CPNE8: variants seen among roughly 807,000 people sequenced by gnomAD.
The protein encoded by CPNE8 is copine 8.
CPNE8 carries 45 observed loss-of-function variants against 81.5 expected under a neutral mutation model. That is an observed-to-expected ratio of 0.55 (90% CI 0.44 to 0.71). The LOEUF (loss-of-function observed/expected upper bound fraction) is 0.71, where lower values mean the gene tolerates loss of function less well. CPNE8 is among the 30% of genes least tolerant of loss of function. The pLI is 0.00. For synonymous variants in CPNE8, 252 were observed against 226.3 expected (o/e 1.11, Z -1.02); for missense variants, 594 against 672.1 (o/e 0.88, Z 1.28).
intron 6 of CPNE8, among the ~76,000 whole-genome samples, chr12:38,785,052 G>A (rs189145710): frequency 1.8e-4 from 27 of 152,134 alleles, no homozygotes; most frequent in East Asian, 9.7e-4. Flanking sequence ...AAAATTAGCT[G>A]GGTGCGATGG....
At chr12:38,756,039 C>A (rs868277860) in intron 10 of CPNE8, among the ~76,000 whole-genome samples, 188 of 82,244 alleles carry the variant, frequency 2.3e-3, no homozygotes, top group South Asian at 5.1e-3. Flanking sequence ...GACTCCGTCT[C>A]AAAAAAAAAA....
intron 6 of CPNE8, among the ~76,000 whole-genome samples, chr12:38,785,991 G>C (rs1942175861): frequency 6.6e-6 from 1 of 151,746 alleles, no homozygotes. Flanking sequence ...AAGAAGGAAG[G>C]AAAGAAAGAA....
chr12:38,685,948 A>G (rs1939524861), intron 15 of CPNE8, among the ~76,000 whole-genome samples: 1 of 152,164 alleles, frequency 6.6e-6, no homozygotes, highest in Non-Finnish European at 1.5e-5. Flanking sequence ...GTTTGGGTAC[A>G]TGTGGAGATA....
chr12:38,843,507 G>A (rs1943506292), intron 4 of CPNE8, among the ~76,000 whole-genome samples: 1 of 151,990 alleles, frequency 6.6e-6, no homozygotes, highest in East Asian at 1.9e-4. Flanking sequence ...CAAAATCTGG[G>A]ATGCCTGCAA....
rs766195638 is a variant in CPNE8 at position 38,666,295 on chromosome 12, G to A, written c.1506+4434C>T. On this transcript the variant is annotated intron_variant, in intron 19 of 19. Coordinates refer to ENST00000331366, the MANE Select transcript of CPNE8 (RefSeq NM_153634.3). ...GTGTGTTATAATAGGAGTAACACAG[G>A]TTTTAGAACCAGAACACTCTTGGAA... 2.9e-4 allele frequency among the ~76,000 whole-genome samples: 44 copies of A among 152,024 alleles called. 1 individual carries two copies. The highest frequency in any genetic ancestry group is 1.6e-3 in the Admixed American group (25 of 15,246).
intron 6 of CPNE8, among the ~76,000 whole-genome samples, chr12:38,809,706 CA>C (rs2136983779): frequency 6.6e-6 from 1 of 152,232 alleles, no homozygotes; most frequent in South Asian, 2.1e-4. Flanking sequence ...AAATTCAGTT[CA>C]AAAATCTTCC....
intron 3 of CPNE8, among the ~76,000 whole-genome samples, chr12:38,852,512 G>A (rs1456910005): frequency 6.6e-6 from 1 of 151,826 alleles, no homozygotes; most frequent in Non-Finnish European, 1.5e-5. Context: ...TGAGGCAGGA[G>A]AATCACTTGA....
chr12:38,782,391 G>A (rs901670354), intron 6 of CPNE8, among the ~76,000 whole-genome samples: 19 of 152,244 alleles, frequency 1.2e-4, no homozygotes, highest in South Asian at 4.1e-4. Flanking sequence ...AAATGTGAGT[G>A]AAGCATAGAT....
chr12:38,658,853 A>G (rs542754710), intron 19 of CPNE8, among the ~76,000 whole-genome samples: 1 of 152,342 alleles, frequency 6.6e-6, no homozygotes, highest in South Asian at 2.1e-4. Flanking sequence ...ACATGCTGAG[A>G]GATTTTGTCA....
intron 3 of CPNE8, among the ~76,000 whole-genome samples, chr12:38,870,934 T>C (rs879769845): frequency 6.6e-6 from 1 of 152,122 alleles, no homozygotes; most frequent in Non-Finnish European, 1.5e-5. Flanking sequence ...ATTTTTCTCA[T>C]GAAACATAAG....
chr12:38,876,855 G>C (rs1439306552), intron 1 of CPNE8, among the ~76,000 whole-genome samples: 1 of 152,176 alleles, frequency 6.6e-6, no homozygotes, highest in Admixed American at 6.5e-5. Flanking sequence ...CACTGCAAAA[G>C]ACCAGTGATT....
Position 38,852,996 on chromosome 12 carries a change from A to C in CPNE8, c.187-4334T>G, listed in dbSNP as rs149098055. On this transcript the variant is annotated intron_variant, in intron 3 of 19. Coordinates refer to ENST00000331366, the MANE Select transcript of CPNE8 (RefSeq NM_153634.3). ...TTTACTTTTAAAATCAGAAACAAAAAACTTTCAGGCAGTTTTCCTGTTTTT... is the reference window on the plus strand; with the variant it reads ...TTTACTTTTAAAATCAGAAACAAAACACTTTCAGGCAGTTTTCCTGTTTTT... 1.9e-3 allele frequency among the ~76,000 whole-genome samples: 284 copies of C among 152,310 alleles called. 1 individual carries two copies. Among genetic ancestry groups the C allele is most frequent in the African/African-American group, 6.6e-3 (275 of 41,582 alleles).
chr12:38,889,578 A>C (rs1213757627), intron 1 of CPNE8, among the ~76,000 whole-genome samples: 1 of 152,224 alleles, frequency 6.6e-6, no homozygotes, highest in Non-Finnish European at 1.5e-5. Context: ...CTGATGACTC[A>C]TTATACAGGC....
At chr12:38,818,887 T>C (rs1943068830) in intron 6 of CPNE8, among the ~76,000 whole-genome samples, 1 of 152,240 alleles carries the variant, frequency 6.6e-6, no homozygotes, top group Non-Finnish European at 1.5e-5. Context: ...TGACCAGTGT[T>C]GATGAGCTTT....
At chr12:38,707,432 AAAG>A in intron 13 of CPNE8, among the ~76,000 whole-genome samples, 1 of 152,266 alleles carries the variant, frequency 6.6e-6, no homozygotes, top group Admixed American at 6.6e-5. Flanking sequence ...GAACTGTAGA[AAAG>A]AAGACAAGAT....
At chr12:38,868,612 G>A (rs975814893) in intron 3 of CPNE8, among the ~76,000 whole-genome samples, 1 of 152,034 alleles carries the variant, frequency 6.6e-6, no homozygotes, top group South Asian at 2.1e-4. Flanking sequence ...CAGTAAATGC[G>A]CTATACTTTC....
chr12:38,815,065 G>C (rs1943002855), intron 6 of CPNE8, among the ~76,000 whole-genome samples: 1 of 151,920 alleles, frequency 6.6e-6, no homozygotes, highest in South Asian at 2.1e-4. Context: ...TCCTTCTATG[G>C]TGTCGTCAAC....
intron 13 of CPNE8, among the ~76,000 whole-genome samples, chr12:38,716,056 GAAAGA>G (rs1167825377): frequency 1.3e-5 from 2 of 151,486 alleles, no homozygotes; most frequent in Admixed American, 6.6e-5. Context: ...CTGCAAAAAA[GAAAGA>G]AAAGAAAATA....
intron 13 of CPNE8, among the ~76,000 whole-genome samples, chr12:38,722,610 T>C (rs1352357701): frequency 6.6e-6 from 1 of 152,364 alleles, no homozygotes; most frequent in South Asian, 2.1e-4. Flanking sequence ...CTGACTGTTA[T>C]TCATCATGAA....
Sources: gnomAD v4.1 joint callset for allele counts (sites outside exome capture counted in the v4.1 genomes callset) on GRCh38, gnomAD v4.1.1 for gene constraint, MANE v1.5 for transcripts, NCBI Gene and HGNC (gene_info 2026-07-23, HGNC 2026-07-21) for gene names.